The following PIERCE2 variants were observed in gnomAD, a reference collection of about 807,000 sequenced individuals.
PIERCE2 encodes piercer of microtubule wall 2 protein.
chr15:55,416,661 T>C, the PIERCE2 span, among the ~76,000 whole-genome samples: 1 of 151,966 alleles, frequency 6.6e-6, no homozygotes, highest in Non-Finnish European at 1.5e-5. Context: ...AAAATATATT[T>C]CAAATTTGCT....
chr15:55,411,045 T>C, the PIERCE2 span: 1 of 152,230 alleles, frequency 6.6e-6, no homozygotes, highest in African/African-American at 2.4e-5. Context: ...CTTTGCCAAC[T>C]ACAAACTTAT....
chr15:55,411,018 C>G, the PIERCE2 span: 1 of 152,178 alleles, frequency 6.6e-6, no homozygotes, highest in South Asian at 2.1e-4. Flanking sequence ...CTCAGTGAAC[C>G]TGAGTTCTAT....
At chr15:55,412,175 T>G in the PIERCE2 span, among the ~76,000 whole-genome samples, 2 of 151,184 alleles carry the variant, frequency 1.3e-5, no homozygotes, top group East Asian at 3.9e-4. Flanking sequence ...TCATTTAATC[T>G]CCACAACCAT....
chr15:55,414,664 AG>A, the PIERCE2 span, among the ~76,000 whole-genome samples: 2 of 151,720 alleles, frequency 1.3e-5, no homozygotes, highest in Non-Finnish European at 2.9e-5. Flanking sequence ...GGATCACCTC[AG>A]GTCAGAAGTC....
At chr15:55,408,625 C>T in the PIERCE2 span, 1 of 594,036 alleles carries the variant, frequency 1.7e-6, no homozygotes, top group Non-Finnish European at 3.0e-6. Context: ...TTTACACATA[C>T]TGATCCACCC....
At chr15:55,414,472 A>C in the PIERCE2 span, among the ~76,000 whole-genome samples, 1 of 152,092 alleles carries the variant, frequency 6.6e-6, no homozygotes, top group South Asian at 2.1e-4. Context: ...CGGCCTAGAA[A>C]TGTTCTTATA....
At chr15:55,416,909 C>CGA in the PIERCE2 span, among the ~76,000 whole-genome samples, 1 of 152,030 alleles carries the variant, frequency 6.6e-6, no homozygotes, top group African/African-American at 2.4e-5. Context: ...TGCAGTAAGC[C>CGA]GAGACTGCAC....
At chr15:55,415,715 C>T in the PIERCE2 span, among the ~76,000 whole-genome samples, 7 of 152,166 alleles carry the variant, frequency 4.6e-5, 1 homozygote, top group Admixed American at 4.6e-4. Flanking sequence ...CATAAAATGT[C>T]TGTATTCTAC....
the PIERCE2 span, among the ~76,000 whole-genome samples, chr15:55,413,329 C>T: frequency 6.6e-6 from 1 of 151,662 alleles, no homozygotes; most frequent in African/African-American, 2.4e-5. Flanking sequence ...GTCCTAGCTA[C>T]TTGGGAGGGT....
the PIERCE2 span, among the ~76,000 whole-genome samples, chr15:55,415,471 AAAAG>A: frequency 6.6e-6 from 1 of 151,866 alleles, no homozygotes. Flanking sequence ...AAAAAAAAAA[AAAAG>A]AGGGAAGGGA....
chr15:55,417,913 C>T, the PIERCE2 span: 30 of 469,262 alleles, frequency 6.4e-5, no homozygotes, highest in Non-Finnish European at 9.1e-5. Context: ...CGGGCAGGGG[C>T]AGGGGTCACA....
At chr15:55,418,284 C>G in the PIERCE2 span, 7 of 1,551,260 alleles carry the variant, frequency 4.5e-6, no homozygotes, top group Non-Finnish European at 6.1e-6. Flanking sequence ...CAACTGCCTC[C>G]TTGTGTGAAC....
chr15:55,411,540 C>A, the PIERCE2 span, among the ~76,000 whole-genome samples: 1 of 152,154 alleles, frequency 6.6e-6, no homozygotes, highest in East Asian at 1.9e-4. Flanking sequence ...AATCCCAACA[C>A]TTTGGGAAGC....
chr15:55,418,166 A>G, the PIERCE2 span: 1 of 1,562,932 alleles, frequency 6.4e-7, no homozygotes, highest in Admixed American at 2.1e-5. Context: ...ACTGAATTAA[A>G]TTTTTTTTTT....
At chr15:55,411,999 G>A in the PIERCE2 span, among the ~76,000 whole-genome samples, 3 of 148,548 alleles carry the variant, frequency 2.0e-5, no homozygotes, top group Admixed American at 2.1e-4. Flanking sequence ...GCTAAGGCAG[G>A]AGAATTGCTT....
At chr15:55,411,915 CCTT>C in the PIERCE2 span, among the ~76,000 whole-genome samples, 1 of 144,212 alleles carries the variant, frequency 6.9e-6, no homozygotes, top group Non-Finnish European at 1.6e-5. Context: ...GAGCAAAACT[CCTT>C]CTCACAAAAA....
At chr15:55,416,176 T>G in the PIERCE2 span, among the ~76,000 whole-genome samples, 3 of 152,260 alleles carry the variant, frequency 2.0e-5, no homozygotes, top group Admixed American at 6.5e-5. Context: ...CTTGGCTCAC[T>G]GCAACCTCTG....
chr15:55,415,159 GA>G, the PIERCE2 span, among the ~76,000 whole-genome samples: 1 of 151,842 alleles, frequency 6.6e-6, no homozygotes, highest in Admixed American at 6.6e-5. Flanking sequence ...AAACCCCTCA[GA>G]CACCGAGTTA....
At chr15:55,409,554 A>G in the PIERCE2 span, among the ~76,000 whole-genome samples, 149,671 of 152,308 alleles carry the variant, frequency 0.98, 73,588 homozygotes, top group East Asian at 1. Context: ...AAGACGGTGG[A>G]CCTGAGCAGA....
Sources: allele counts gnomAD v4.1 joint callset (sites outside exome capture counted in the v4.1 genomes callset), GRCh38; gene constraint gnomAD v4.1.1; transcripts MANE v1.5; gene names NCBI Gene and HGNC (gene_info 2026-07-23, HGNC 2026-07-21).